Variants in C1orf159 observed in about 807,000 individuals in gnomAD.
C1orf159 encodes the protein uncharacterized protein C1orf159.
Under a neutral mutation model 25.6 loss-of-function variants are expected in C1orf159, and 19 were observed. The observed-to-expected ratio is 0.74, with a 90% confidence interval of 0.52 to 1.09. C1orf159 has a LOEUF of 1.09. C1orf159 is among the 50% of genes least tolerant of loss of function. The pLI is 0.00. For missense variants in C1orf159, 274 were observed against 290.6 expected (o/e 0.94, Z 0.42); for synonymous variants, 139 against 124.7 (o/e 1.12, Z -0.77).
intron 3 of C1orf159, 83 bp downstream of exon 3, chr1:1,091,389 G>A (rs1378839536): frequency 6.2e-6 from 8 of 1,289,334 alleles, no homozygotes; most frequent in South Asian, 2.6e-5. Flanking sequence ...AGGTGGAAGG[G>A]TTAGACCCTC....
At chr1:1,085,248 C>T in intron 7 of C1orf159, 1 of 431,322 alleles carries the variant, frequency 2.3e-6, no homozygotes, top group Non-Finnish European at 4.7e-6. Flanking sequence ...GCCAAGTGCT[C>T]ACCTTGGGGT....
At chr1:1,083,820 G>T in intron 9 of C1orf159, 1 of 1,173,432 alleles carries the variant, frequency 8.5e-7, no homozygotes, top group Non-Finnish European at 1.2e-6. Flanking sequence ...GGGGACGGAG[G>T]CCGGGTGAGC....
intron 1 of C1orf159, among the ~76,000 whole-genome samples, chr1:1,112,798 C>T (rs906152477): frequency 1.3e-5 from 2 of 152,258 alleles, no homozygotes; most frequent in African/African-American, 2.4e-5. Flanking sequence ...AAGGTGAAAC[C>T]GCACACCTGA....
At position 1,082,226 on chromosome 1, in the gene C1orf159, C is replaced by A. The variant is rs900854097; in HGVS notation, c.*667G>T. Reference sequence around the variant, plus strand: ...CGGATCCGAGCGGGGCCACAGAGCTCTGGAGGACTTTTCTGCACAATGAAT... The same window carrying A: ...CGGATCCGAGCGGGGCCACAGAGCTATGGAGGACTTTTCTGCACAATGAAT... On this transcript the variant is annotated 3_prime_UTR_variant, in exon 10 of 10. Transcript: ENST00000421241. The A allele has an allele frequency of 2.6e-5, 4 of 153,568 alleles. No homozygotes were observed. The highest frequency in any genetic ancestry group is 9.6e-5 in the African/African-American group (4 of 41,456). The allele number at this position is 153,568 out of a possible 1,614,324, so 9.5% of individuals were successfully genotyped here.
At chr1:1,113,913 CTTTTTTTT>C (rs763307791) in intron 1 of C1orf159, among the ~76,000 whole-genome samples, 1 of 121,000 alleles carries the variant, frequency 8.3e-6, no homozygotes, top group African/African-American at 3.2e-5. Flanking sequence ...CCCTCGAGGC[CTTTTTTTT>C]TTTTTTTTTT....
At chr1:1,085,767 C>A (rs1357292681) in intron 7 of C1orf159, 111 bp downstream of exon 7, 2 of 1,389,172 alleles carry the variant, frequency 1.4e-6, no homozygotes, top group Non-Finnish European at 1.9e-6. Flanking sequence ...TCCCTCCCGG[C>A]CTCTGCCAGC....
intron 1 of C1orf159, among the ~76,000 whole-genome samples, chr1:1,109,644 T>A (rs1394264625): frequency 1.3e-5 from 2 of 151,970 alleles, no homozygotes; most frequent in Non-Finnish European, 2.9e-5. Context: ...TTATTTTTAT[T>A]TTTTGGTAAA....
chr1:1,114,347 T>A (rs1021639551), intron 1 of C1orf159, among the ~76,000 whole-genome samples: 68 of 152,240 alleles, frequency 4.5e-4, no homozygotes, highest in African/African-American at 1.5e-3. Context: ...CTGGATAATA[T>A]TTTTTATTTT....
In C1orf159 at chr1:1,110,726, A is replaced by T. The variant is rs1380500410; in HGVS notation, c.-136+5334T>A. Among the ~76,000 whole-genome samples the T allele has an allele frequency of 6.6e-6, 1 of 152,136 alleles. No individual in the cohort carries two copies. The highest frequency in any genetic ancestry group is 6.5e-5 in the Admixed American group (1 of 15,284). On this transcript the variant is annotated intron_variant, in intron 1 of 9. Coordinates refer to ENST00000421241, the MANE Select transcript of C1orf159 (RefSeq NM_017891.5). The surrounding 1 kb of genome is among the most constrained non-coding windows in gnomAD (Gnocchi z 4.8). ...AAACACGTGCACAAAAATAGGCCCA[A>T]CTCTTCAGACAGCGGAAACCCACCC...
chr1:1,105,409 G>C (rs1646156506), intron 1 of C1orf159, among the ~76,000 whole-genome samples: 1 of 152,126 alleles, frequency 6.6e-6, no homozygotes, highest in South Asian at 2.1e-4. Context: ...TTGGGAGGGA[G>C]GTGGGAGGAT....
rs559298266 is a variant in C1orf159, at chr1:1,110,755, C to A, written c.-136+5305G>T. Reference sequence around the variant, plus strand: ...TTCAGACAGCGGAAACCCACCCGGGCGCCCTCAGAGACGACGAGCACGCAA... The same window carrying A: ...TTCAGACAGCGGAAACCCACCCGGGAGCCCTCAGAGACGACGAGCACGCAA... On this transcript the variant is annotated intron_variant, in intron 1 of 9. Coordinates refer to ENST00000421241, the MANE Select transcript of C1orf159 (RefSeq NM_017891.5). The surrounding 1 kb of genome is among the most constrained non-coding windows in gnomAD (Gnocchi z 4.8). Among the ~76,000 whole-genome samples the A allele has an allele frequency of 6.6e-6, 1 of 152,234 alleles. No homozygotes were observed. Among genetic ancestry groups the A allele is most frequent in the East Asian group, 1.9e-4 (1 of 5,202 alleles).
chr1:1,102,714 C>T (rs1265791847), intron 1 of C1orf159, among the ~76,000 whole-genome samples: 1 of 148,214 alleles, frequency 6.7e-6, no homozygotes, highest in Non-Finnish European at 1.5e-5. Flanking sequence ...AGGAGAATCA[C>T]TTGAACCTGG....
intron 1 of C1orf159, among the ~76,000 whole-genome samples, chr1:1,105,748 C>T (rs1002304017): frequency 7.5e-6 from 1 of 132,870 alleles, no homozygotes; most frequent in Non-Finnish European, 1.6e-5. Flanking sequence ...TGGGCGGGCG[C>T]CTGTAGTCCC....
intron 3 of C1orf159, chr1:1,090,725 C>T (rs909294285): frequency 6.4e-6 from 5 of 785,462 alleles, no homozygotes; most frequent in Admixed American, 4.1e-5. Flanking sequence ...GCAGCGCCAC[C>T]GACATTCTCT....
intron 1 of C1orf159, chr1:1,092,355 T>C (rs78152184): frequency 0.012 from 2,325 of 186,110 alleles, 60 homozygotes; most frequent in African/African-American, 0.052. Flanking sequence ...GGCCCGGCCT[T>C]TGCTCAGGGA....
intron 7 of C1orf159, among the ~76,000 whole-genome samples, chr1:1,085,582 G>A (rs1046330019): frequency 6.6e-6 from 1 of 152,216 alleles, no homozygotes; most frequent in African/African-American, 2.4e-5. Flanking sequence ...CTCGCCCCTC[G>A]TGATGCCCTG....
intron 1 of C1orf159, among the ~76,000 whole-genome samples, chr1:1,095,869 T>C (rs1646002717): frequency 6.6e-6 from 1 of 152,240 alleles, no homozygotes; most frequent in Non-Finnish European, 1.5e-5. Flanking sequence ...TGAGGTTTTT[T>C]TAAAAAAATC....
chr1:1,112,169 C>A (rs2100780120), intron 1 of C1orf159, among the ~76,000 whole-genome samples: 1 of 152,284 alleles, frequency 6.6e-6, no homozygotes, highest in East Asian at 1.9e-4. Context: ...GCACCCAGCG[C>A]CAGGGAAAGA....
At chr1:1,084,273 T>G (rs371338512) in intron 9 of C1orf159, 80 bp downstream of exon 9, 1 of 1,519,828 alleles carries the variant, frequency 6.6e-7, no homozygotes, top group African/African-American at 1.4e-5. Context: ...GCAAACCCGT[T>G]TGGGGACAAA....
Sources: gnomAD v4.1 joint callset for allele counts (sites outside exome capture counted in the v4.1 genomes callset) on GRCh38, gnomAD v4.1.1 for gene constraint, Gnocchi (gnomAD v3.1) non-coding constraint, MANE v1.5 for transcripts, NCBI Gene and HGNC (gene_info 2026-07-23, HGNC 2026-07-21) for gene names.